The following EIPR1 variants were observed in gnomAD, a reference collection of about 807,000 sequenced individuals.
EIPR1 encodes EARP complex and GARP complex interacting protein 1.
A neutral mutation model predicts 48.1 loss-of-function variants in EIPR1; 25 were observed. The ratio of observed to expected loss-of-function variants is 0.52; its 90% confidence interval spans 0.38 to 0.73. The LOEUF (loss-of-function observed/expected upper bound fraction) is 0.73. EIPR1 is among the 30% of genes least tolerant of loss of function. The probability of loss-of-function intolerance (pLI) is 0.00; values close to 1 mark genes in which losing one functional copy is unlikely to be tolerated. For missense variants in EIPR1, 415 were observed against 506.2 expected (o/e 0.82, Z 1.73); for synonymous variants, 204 against 201.9 (o/e 1.01, Z -0.09).
At chr2:3,367,011 C>T (rs1670989785) in intron 1 of EIPR1, among the ~76,000 whole-genome samples, 1 of 151,470 alleles carries the variant, frequency 6.6e-6, no homozygotes, top group Non-Finnish European at 1.5e-5. Flanking sequence ...CGCCACTGTA[C>T]TCCAGTCTGG....
chr2:3,374,893 G>T (rs1409920577), intron 1 of EIPR1, among the ~76,000 whole-genome samples: 103 of 142,800 alleles, frequency 7.2e-4, no homozygotes, highest in African/African-American at 2.5e-3. Context: ...TATACCCAAA[G>T]GACTATAAAT....
chr2:3,300,844 G>A (rs1489240943), intron 3 of EIPR1: 1 of 152,198 alleles, frequency 6.6e-6, no homozygotes, highest in East Asian at 1.9e-4. Context: ...CAGCGAGTGA[G>A]CGAGTGAACC....
Position 3,205,733 on chromosome 2 carries a change from T to G in EIPR1, c.516+8416A>C, listed in dbSNP as rs142237606. ...GCTTTGAACGTGAATGCCCCGAGCT[T>G]GAACCCCAGCTCTGCTTCCGAGTAA... On this transcript the variant is annotated intron_variant, in intron 5 of 8. Transcript: ENST00000382125. Among the ~76,000 whole-genome samples, 86 of 152,286 alleles carry G rather than the reference T, an allele frequency of 5.6e-4. 1 individual carries two copies. Among genetic ancestry groups the G allele is most frequent in the African/African-American group, 2.0e-3 (83 of 41,572 alleles).
At chr2:3,250,257 T>C (rs1408633644) in intron 4 of EIPR1, among the ~76,000 whole-genome samples, 1 of 152,194 alleles carries the variant, frequency 6.6e-6, no homozygotes, top group Non-Finnish European at 1.5e-5. Flanking sequence ...AGCCCAATCC[T>C]CACACCAGTG....
At chr2:3,353,928 T>C (rs62119518) in intron 2 of EIPR1, among the ~76,000 whole-genome samples, 24,570 of 152,112 alleles carry the variant, frequency 0.16, 2,208 homozygotes, top group Non-Finnish European at 0.2. Flanking sequence ...TCAAAGACAA[T>C]GCACATCTTT....
intron 4 of EIPR1, among the ~76,000 whole-genome samples, chr2:3,243,868 C>T (rs1484113450): frequency 6.6e-6 from 1 of 152,204 alleles, no homozygotes; most frequent in Non-Finnish European, 1.5e-5. Context: ...GCTGTGACGT[C>T]CAGGACATGG....
intron 4 of EIPR1, among the ~76,000 whole-genome samples, chr2:3,239,101 GCCCGGCCGCCTGCACAGCAGACCCCA>G (rs1244878244): frequency 6.6e-6 from 1 of 152,204 alleles, no homozygotes; most frequent in Non-Finnish European, 1.5e-5. Flanking sequence ...ACCTGGCTCT[GCCCGGCCGCCTGCACAGCAGACCCCA>G]CCCGGCCACT....
At chr2:3,317,104 ACTGTGTGCCTTG>A (rs1368903455) in intron 3 of EIPR1, among the ~76,000 whole-genome samples, 2 of 151,734 alleles carry the variant, frequency 1.3e-5, no homozygotes, top group Non-Finnish European at 2.9e-5. Context: ...CTGAGGGCCT[ACTGTGTGCCTTG>A]CATGTGGGGT....
intron 3 of EIPR1, among the ~76,000 whole-genome samples, chr2:3,309,811 C>T (rs1384202027): frequency 6.6e-6 from 1 of 152,176 alleles, no homozygotes; most frequent in Non-Finnish European, 1.5e-5. Flanking sequence ...TCTAACACCC[C>T]CCTTACTACC....
chr2:3,356,151 G>C (rs141354932), intron 1 of EIPR1, among the ~76,000 whole-genome samples: 77 of 152,374 alleles, frequency 5.1e-4, no homozygotes, highest in African/African-American at 1.7e-3. Context: ...GTTAAGGCCA[G>C]ATGGCCGGGG....
intron 4 of EIPR1, among the ~76,000 whole-genome samples, chr2:3,249,325 T>C (rs942854122): frequency 2.0e-5 from 3 of 152,358 alleles, no homozygotes; most frequent in South Asian, 2.1e-4. Context: ...CTTGGCTGCA[T>C]TGTGTCCATT....
chr2:3,205,176 T>C (rs575278651), intron 5 of EIPR1, among the ~76,000 whole-genome samples: 2 of 152,244 alleles, frequency 1.3e-5, no homozygotes, highest in East Asian at 3.9e-4. Context: ...GGGGCTGGCT[T>C]ACAAAACGGC....
chr2:3,365,037 A>G (rs184223036), intron 1 of EIPR1, among the ~76,000 whole-genome samples: 388 of 152,324 alleles, frequency 2.5e-3, no homozygotes, highest in South Asian at 4.3e-3. Flanking sequence ...GATATCTCAG[A>G]TACACTGATT....
chr2:3,293,759 G>A (rs192854668), intron 3 of EIPR1, among the ~76,000 whole-genome samples: 3 of 152,280 alleles, frequency 2.0e-5, no homozygotes, highest in East Asian at 1.9e-4. Context: ...GGACGCAGAG[G>A]CAGCCTGTTA....
chr2:3,318,357 G>A (rs1326527634), intron 3 of EIPR1, among the ~76,000 whole-genome samples: 1 of 152,240 alleles, frequency 6.6e-6, no homozygotes, highest in Non-Finnish European at 1.5e-5. Context: ...GACGCCGTGA[G>A]GAGCCGTCGT....
intron 4 of EIPR1, among the ~76,000 whole-genome samples, chr2:3,220,271 G>A (rs893827780): frequency 2.0e-5 from 3 of 152,160 alleles, no homozygotes; most frequent in Non-Finnish European, 4.4e-5. Context: ...TATAGAGTCA[G>A]GAACACATGC....
chr2:3,203,325 C>T (rs959778307), intron 5 of EIPR1, among the ~76,000 whole-genome samples: 6 of 152,204 alleles, frequency 3.9e-5, no homozygotes, highest in Non-Finnish European at 7.3e-5. Flanking sequence ...CTGCGATGGG[C>T]GTTACAGACT....
intron 1 of EIPR1, among the ~76,000 whole-genome samples, chr2:3,355,240 C>G (rs532770215): frequency 2.6e-5 from 4 of 152,160 alleles, no homozygotes; most frequent in African/African-American, 7.2e-5. Flanking sequence ...TTGACAGACT[C>G]GTGGAGCTCA....
intron 1 of EIPR1, chr2:3,377,277 G>T: frequency 4.1e-6 from 1 of 241,032 alleles, no homozygotes; most frequent in Admixed American, 5.5e-5. Flanking sequence ...ACTTTAAATT[G>T]TTTCAAAATC....
Sources: allele counts gnomAD v4.1 joint callset (sites outside exome capture counted in the v4.1 genomes callset), GRCh38; gene constraint gnomAD v4.1.1; transcripts MANE v1.5; gene names NCBI Gene and HGNC (gene_info 2026-07-23, HGNC 2026-07-21).